CLCN3: variants seen among roughly 807,000 people sequenced by gnomAD.
CLCN3 encodes the protein Cl-/H+ antiporter 3.
In CLCN3, 16 loss-of-function variants were observed where a neutral mutation model predicts 83.4. The ratio of observed to expected loss-of-function variants is 0.19; its 90% CI spans 0.13 to 0.29. The LOEUF is 0.29. Ranked by LOEUF, CLCN3 falls within the 10% of genes least tolerant of loss-of-function variation. The probability of loss-of-function intolerance (pLI) is 1.00; values close to 1 mark genes in which losing one functional copy is unlikely to be tolerated. For synonymous variants in CLCN3, 322 were observed against 346.2 expected (o/e 0.93, Z 0.78); for missense variants, 544 against 1,006.0 (o/e 0.54, Z 6.21).
intron 2 of CLCN3, among the ~76,000 whole-genome samples, chr4:169,639,165 G>T (rs1375145180): frequency 6.6e-6 from 1 of 152,110 alleles, no homozygotes; most frequent in African/African-American, 2.4e-5. Context: ...GAGTAGCTAG[G>T]ACCACAGTTG....
intron 1 of CLCN3, among the ~76,000 whole-genome samples, chr4:169,630,916 A>G (rs1773353488): frequency 6.6e-6 from 1 of 152,208 alleles, no homozygotes; most frequent in Admixed American, 6.5e-5. Context: ...GCTGTGATGA[A>G]CATATAAGCA....
intron 2 of CLCN3, among the ~76,000 whole-genome samples, chr4:169,649,441 G>A (rs564141604): frequency 9.9e-5 from 15 of 152,212 alleles, no homozygotes; most frequent in Non-Finnish European, 1.9e-4. Flanking sequence ...GGTGGTGAGA[G>A]TATGGAGGTA....
At chr4:169,665,603 GAAAAA>G (rs60434639) in intron 2 of CLCN3, among the ~76,000 whole-genome samples, 1 of 147,408 alleles carries the variant, frequency 6.8e-6, no homozygotes, top group Non-Finnish European at 1.5e-5. Flanking sequence ...CACAGAGAGA[GAAAAA>G]AAAAAACCAT....
At chr4:169,667,566 G>A (rs1731290626) in intron 2 of CLCN3, among the ~76,000 whole-genome samples, 1 of 151,972 alleles carries the variant, frequency 6.6e-6, no homozygotes. Flanking sequence ...AATTTTTCCT[G>A]CTTGCTGGAG....
chr4:169,709,080 A>C (rs1419064893), intron 11 of CLCN3, among the ~76,000 whole-genome samples: 2 of 148,346 alleles, frequency 1.3e-5, no homozygotes, highest in East Asian at 3.9e-4. Flanking sequence ...ATAATTAATT[A>C]TATAAATATT....
intron 2 of CLCN3, chr4:169,660,398 C>A: frequency 7.1e-7 from 1 of 1,403,738 alleles, no homozygotes; most frequent in Non-Finnish European, 9.2e-7. Flanking sequence ...CCTTATTTGC[C>A]TTATGACGGG....
In CLCN3 at chr4:169,636,027, T is replaced by G; in HGVS notation, c.99T>G (p.Gly33=). The G allele has an allele frequency of 6.2e-7, 1 of 1,613,434 alleles. No homozygotes were observed. Among genetic ancestry groups the G allele is most frequent in the South Asian group, 1.1e-5 (1 of 91,046 alleles). ...ATGAGGAACTTTTAGATGGAGCAGG[T>G]GTTATTATGGACTTTCAAACATCTG... The part of the protein sequence containing the change: ...SSDEELLDGA[G]VIMDFQTSED... The change falls in exon 2 of 13, where the codon GGT becomes GGG. Residue 33 remains glycine, a synonymous_variant. Coordinates refer to ENST00000513761, the MANE Select transcript of CLCN3 (RefSeq NM_001829.4).
intron 2 of CLCN3, among the ~76,000 whole-genome samples, chr4:169,676,191 G>A (rs1731669440): frequency 6.6e-6 from 1 of 151,968 alleles, no homozygotes. Flanking sequence ...ATTTATTATG[G>A]CCAATTTTTT....
chr4:169,660,575 T>C (rs996470187), intron 2 of CLCN3: 9 of 558,756 alleles, frequency 1.6e-5, no homozygotes, highest in Non-Finnish European at 2.4e-5. Context: ...TTGCCCTGGG[T>C]TGTTAGTAAG....
chr4:169,624,515 C>T (rs1474366892), intron 1 of CLCN3, among the ~76,000 whole-genome samples: 6 of 152,080 alleles, frequency 3.9e-5, no homozygotes, highest in Admixed American at 6.5e-5. Flanking sequence ...GTGATCTGCC[C>T]ACCTCGGCAT....
intron 2 of CLCN3, among the ~76,000 whole-genome samples, chr4:169,668,093 T>C (rs1340891028): frequency 1.3e-5 from 2 of 151,162 alleles, no homozygotes; most frequent in Non-Finnish European, 2.9e-5. Context: ...TGTTAGTCTT[T>C]TGGTTAAGCG....
chr4:169,717,823 A>G, intron 12 of CLCN3: 1 of 1,613,302 alleles, frequency 6.2e-7, no homozygotes, highest in Non-Finnish European at 8.5e-7. Context: ...AAAGAAGAAC[A>G]TATTAGAGCA....
rs1467485416 is a variant in CLCN3, at chr4:169,720,080, C to T, written c.*83C>T. ...CAACTCTTTAACCTGAGGGAGTCAT[C>T]TACTTTTTTTTCCTCCTTTACAAAA... On this transcript the variant is annotated 3_prime_UTR_variant, in exon 13 of 13. Transcript: ENST00000513761. The T allele has an allele frequency of 2.6e-6, 4 of 1,556,134 alleles. No individual in the cohort carries two copies. The highest frequency in any genetic ancestry group is 3.5e-6 in the Non-Finnish European group (4 of 1,154,090).
intron 2 of CLCN3, among the ~76,000 whole-genome samples, chr4:169,654,966 T>C (rs1209704601): frequency 2.6e-5 from 4 of 152,234 alleles, no homozygotes; most frequent in African/African-American, 9.6e-5. Flanking sequence ...TGCACATTTA[T>C]CTACTGCTTC....
chr4:169,674,532 A>T (rs970335740), intron 2 of CLCN3, among the ~76,000 whole-genome samples: 1 of 152,178 alleles, frequency 6.6e-6, no homozygotes, highest in African/African-American at 2.4e-5. Context: ...ACATAACATT[A>T]GGATGGGAGG....
At chr4:169,695,942 A>G (rs1399179946) in intron 8 of CLCN3, among the ~76,000 whole-genome samples, 1 of 152,230 alleles carries the variant, frequency 6.6e-6, no homozygotes, top group Non-Finnish European at 1.5e-5. Flanking sequence ...TTGTTGACAT[A>G]TTTAAAAGTA....
chr4:169,703,057 A>G (rs1219368157), intron 9 of CLCN3, among the ~76,000 whole-genome samples: 4 of 152,204 alleles, frequency 2.6e-5, no homozygotes, highest in Non-Finnish European at 5.9e-5. Context: ...ACTTTCTTCT[A>G]TGGGCATGGT....
At chr4:169,699,547 C>T (rs1732694559) in intron 9 of CLCN3, among the ~76,000 whole-genome samples, 2 of 152,074 alleles carry the variant, frequency 1.3e-5, no homozygotes, top group South Asian at 2.1e-4. Flanking sequence ...TCTCTTTTCT[C>T]TTGTCCTAAG....
chr4:169,702,077 G>A (rs1319020590), intron 9 of CLCN3, among the ~76,000 whole-genome samples: 1 of 152,120 alleles, frequency 6.6e-6, no homozygotes, highest in Non-Finnish European at 1.5e-5. Context: ...GGATCTTATC[G>A]GAAAGCTGCC....
Sources: allele counts gnomAD v4.1 joint callset (sites outside exome capture counted in the v4.1 genomes callset), GRCh38; gene constraint gnomAD v4.1.1; transcripts MANE v1.5; gene names NCBI Gene and HGNC (gene_info 2026-07-23, HGNC 2026-07-21).